The following TLN2 variants were observed in gnomAD, a reference collection of about 807,000 sequenced individuals.
TLN2 encodes talin-2.
Under a neutral mutation model 294.7 loss-of-function variants are expected in TLN2, and 118 were observed. The ratio of observed to expected loss-of-function variants is 0.40; its 90% confidence interval spans 0.34 to 0.47. The LOEUF (loss-of-function observed/expected upper bound fraction) is 0.47, where lower values mean the gene tolerates loss of function less well. Among genes scored for constraint, TLN2 ranks in the 20% least tolerant of loss-of-function variants. TLN2 has a pLI of 0.84. For synonymous variants in TLN2, 1,431 were observed against 1,304.5 expected (o/e 1.10, Z -2.09); for missense variants, 3,083 against 3,282.2 (o/e 0.94, Z 1.48).
chr15:62,503,203 C>A (rs1459289505), intron 1 of TLN2, among the ~76,000 whole-genome samples: 7 of 151,750 alleles, frequency 4.6e-5, no homozygotes, highest in Non-Finnish European at 8.8e-5. Context: ...GGTAGATAAT[C>A]TGTAAATATA....
At position 62,467,625 on chromosome 15, in the gene TLN2, C is replaced by T. The variant is rs532810669; in HGVS notation, c.-238+76940C>T. ...GAGAATCGCCAAGAGGTAGAGGTTG[C>T]GGTGAGCTGAGATTGCGCCATTGCA... is the stretch of plus-strand genomic sequence containing the variant. On this transcript the variant is annotated intron_variant, in intron 1 of 58. Transcript: ENST00000636159. Among the ~76,000 whole-genome samples the T allele has an allele frequency of 7.7e-4, 117 of 152,092 alleles. 3 individuals are homozygous for T. The South Asian group carries it at 0.021, about 27-fold the overall frequency.
At chr15:62,778,608 G>A (rs2063886526) in intron 43 of TLN2, among the ~76,000 whole-genome samples, 1 of 152,248 alleles carries the variant, frequency 6.6e-6, no homozygotes, top group Admixed American at 6.5e-5. Flanking sequence ...GTGATGGGCT[G>A]TGGACAGAGA....
intron 18 of TLN2, among the ~76,000 whole-genome samples, chr15:62,702,413 G>C (rs1353221036): frequency 6.6e-6 from 1 of 152,190 alleles, no homozygotes; most frequent in Non-Finnish European, 1.5e-5. Flanking sequence ...CCCCTCAAGG[G>C]TACTTGAGTA....
chr15:62,602,043 G>A (rs1257998036), intron 2 of TLN2, among the ~76,000 whole-genome samples: 2 of 152,132 alleles, frequency 1.3e-5, no homozygotes, highest in Non-Finnish European at 2.9e-5. Context: ...AGTTCGTCAA[G>A]GAGCCCTGGT....
intron 1 of TLN2, among the ~76,000 whole-genome samples, chr15:62,418,546 A>G (rs932589059): frequency 6.6e-6 from 1 of 152,146 alleles, no homozygotes; most frequent in Non-Finnish European, 1.5e-5. Flanking sequence ...TTATTGGAAA[A>G]TGTCTCACGT....
chr15:62,778,146 C>T (rs955258043), intron 43 of TLN2, among the ~76,000 whole-genome samples: 1 of 152,172 alleles, frequency 6.6e-6, no homozygotes, highest in Admixed American at 6.5e-5. Flanking sequence ...TATCCTTAGG[C>T]ATTATGCAGT....
chr15:62,820,682 A>G, intron 54 of TLN2, 72 bp downstream of exon 54: 2 of 1,562,054 alleles, frequency 1.3e-6, no homozygotes, highest in South Asian at 2.4e-5. Context: ...AAATGGAGCT[A>G]GGAGTGCTGC....
At chr15:62,522,778 A>G (rs2040525886) in intron 1 of TLN2, among the ~76,000 whole-genome samples, 1 of 145,984 alleles carries the variant, frequency 6.9e-6, no homozygotes, top group African/African-American at 2.7e-5. Flanking sequence ...CCAGGCGTCA[A>G]TTTCAGAGTT....
intron 1 of TLN2, among the ~76,000 whole-genome samples, chr15:62,411,429 ATGTGTGTGTGTGTGTGTGTGTGTG>A (rs71125998): frequency 2.2e-5 from 3 of 136,598 alleles, no homozygotes; most frequent in South Asian, 2.5e-4. Flanking sequence ...TGAGTAATGG[ATGTGTGTGTGTGTGTGTGTGTGTG>A]TGTGTGTGTG....
At chr15:62,699,966 A>T (rs1434985384) in intron 16 of TLN2, among the ~76,000 whole-genome samples, 1 of 152,180 alleles carries the variant, frequency 6.6e-6, no homozygotes, top group Admixed American at 6.5e-5. Context: ...CAGAACCAAG[A>T]TACAGTCTGT....
intron 22 of TLN2, among the ~76,000 whole-genome samples, chr15:62,713,929 A>ATATATGC (rs368958929): frequency 0.022 from 2,755 of 124,484 alleles, 70 homozygotes; most frequent in Middle Eastern, 0.036. Context: ...GTGTGTGTGT[A>ATATATGC]TGTGTGTGTG....
chr15:62,442,712 A>G (rs1010800843), intron 1 of TLN2, among the ~76,000 whole-genome samples: 17 of 152,146 alleles, frequency 1.1e-4, no homozygotes, highest in African/African-American at 3.1e-4. Flanking sequence ...AACCTTCAAA[A>G]TAAAATCAAA....
intron 1 of TLN2, among the ~76,000 whole-genome samples, chr15:62,424,270 C>T (rs372840072): frequency 6.6e-6 from 1 of 152,130 alleles, no homozygotes; most frequent in Non-Finnish European, 1.5e-5. Context: ...ATTTGCTGTA[C>T]CCTACGCTCC....
chr15:62,447,294 A>G (rs1288521708), intron 1 of TLN2, among the ~76,000 whole-genome samples: 1 of 152,030 alleles, frequency 6.6e-6, no homozygotes, highest in African/African-American at 2.4e-5. Flanking sequence ...CTGGATGGCC[A>G]AGGAAAGTTT....
intron 1 of TLN2, among the ~76,000 whole-genome samples, chr15:62,451,583 G>C (rs2036155070): frequency 6.6e-6 from 1 of 152,210 alleles, no homozygotes; most frequent in South Asian, 2.1e-4. Flanking sequence ...CTTAAACCCA[G>C]AGGCGGAGGT....
At chr15:62,410,065 A>G (rs371888148) in intron 1 of TLN2, among the ~76,000 whole-genome samples, 5 of 152,110 alleles carry the variant, frequency 3.3e-5, no homozygotes, top group African/African-American at 7.2e-5. Context: ...AACATGGTAA[A>G]ACCCCGTCTC....
At chr15:62,533,437 G>A (rs996519239) in intron 1 of TLN2, among the ~76,000 whole-genome samples, 5 of 151,778 alleles carry the variant, frequency 3.3e-5, no homozygotes, top group African/African-American at 1.2e-4. Flanking sequence ...CCTCAACAGT[G>A]ATCTGTCTGT....
intron 1 of TLN2, among the ~76,000 whole-genome samples, chr15:62,399,980 G>A (rs1387676756): frequency 1.3e-5 from 2 of 152,180 alleles, no homozygotes; most frequent in African/African-American, 4.8e-5. Context: ...GGGGTGGAAT[G>A]ATATGGTTTG....
chr15:62,593,352 T>C (rs2046232314), intron 2 of TLN2, among the ~76,000 whole-genome samples: 1 of 152,240 alleles, frequency 6.6e-6, no homozygotes, highest in African/African-American at 2.4e-5. Context: ...GGACCTAGGC[T>C]GCGCTCCTCA....
Sources: allele counts gnomAD v4.1 joint callset (sites outside exome capture counted in the v4.1 genomes callset), GRCh38; gene constraint gnomAD v4.1.1; transcripts MANE v1.5; gene names NCBI Gene and HGNC (gene_info 2026-07-23, HGNC 2026-07-21).